BABAM2: variants seen among roughly 807,000 people sequenced by gnomAD.
The protein encoded by BABAM2 is BRISC and BRCA1 A complex member 2, also known as BRISC and BRCA1-A complex member 2.
In BABAM2, 31 loss-of-function variants were observed where a neutral mutation model predicts 54.7. The observed-to-expected ratio is 0.57, with a 90% confidence interval of 0.43 to 0.77. BABAM2 has a LOEUF of 0.77. Among genes scored for constraint, BABAM2 ranks in the 30% least tolerant of loss-of-function variants. The pLI is 0.00. For synonymous variants in BABAM2, 167 were observed against 162.9 expected (o/e 1.03, Z -0.19); for missense variants, 364 against 455.8 (o/e 0.80, Z 1.83).
chr2:28,053,229 G>A (rs1394772520), intron 6 of BABAM2, among the ~76,000 whole-genome samples: 1 of 152,152 alleles, frequency 6.6e-6, no homozygotes, highest in East Asian at 1.9e-4. Flanking sequence ...CTGAATTTGA[G>A]ACTTTTAAGT....
At chr2:28,098,851 T>C (rs1666837632) in intron 6 of BABAM2, among the ~76,000 whole-genome samples, 1 of 152,232 alleles carries the variant, frequency 6.6e-6, no homozygotes, top group Admixed American at 6.5e-5. Flanking sequence ...AAATAAAGGA[T>C]GGTTTCGCCA....
chr2:28,120,996 A>G lies in BABAM2; in HGVS notation c.571-8275A>G, dbSNP rs73922235. Among the ~76,000 whole-genome samples, 631 of 152,272 alleles carry G rather than the reference A, an allele frequency of 4.1e-3. 5 individuals carry two copies. Among genetic ancestry groups the G allele is most frequent in the African/African-American group, 0.014 (588 of 41,554 alleles). ...TTTGTCTGGACTAGGTGGGGAGAAT[A>G]TTTTTACTCCCATTTCCGTTTGGAG... On this transcript the variant is annotated intron_variant, in intron 6 of 11. Transcript: ENST00000379624.
chr2:27,967,481 C>A (rs1255335174), intron 3 of BABAM2, among the ~76,000 whole-genome samples: 4 of 152,080 alleles, frequency 2.6e-5, no homozygotes, highest in Non-Finnish European at 5.9e-5. Context: ...TTGTAAATTG[C>A]CTGGTCTCAG....
chr2:28,318,486 A>G (rs973200820), intron 11 of BABAM2, among the ~76,000 whole-genome samples: 12 of 152,202 alleles, frequency 7.9e-5, no homozygotes, highest in African/African-American at 2.7e-4. Context: ...CCTGAACTAG[A>G]TAATCTCTAG....
intron 4 of BABAM2, among the ~76,000 whole-genome samples, chr2:28,004,266 A>G (rs1673792104): frequency 1.3e-5 from 2 of 152,176 alleles, no homozygotes; most frequent in African/African-American, 4.8e-5. Flanking sequence ...TGTAAAGGAA[A>G]ACGCCAGCTC....
At position 28,317,036 on chromosome 2, in the gene BABAM2, A is replaced by G. The variant is rs1052743420; in HGVS notation, c.1088+18545A>G. On this transcript the variant is annotated intron_variant, in intron 11 of 11. Coordinates refer to ENST00000379624, the MANE Select transcript of BABAM2 (RefSeq NM_199191.3). ...ATTTTCACTGGATTACCTGATGAGT[A>G]TCCCCCAGACCCCCACTTGGCTGCA... Among the ~76,000 whole-genome samples, 8 of 152,206 alleles carry G rather than the reference A, an allele frequency of 5.3e-5. No homozygotes were observed. The East Asian group carries it at 1.6e-3, about 30-fold the overall frequency.
intron 5 of BABAM2, among the ~76,000 whole-genome samples, chr2:28,043,377 C>T (rs1157060006): frequency 6.6e-6 from 1 of 152,096 alleles, no homozygotes; most frequent in Non-Finnish European, 1.5e-5. Context: ...GATCCGCCTG[C>T]CTTGGCCTTG....
chr2:28,027,644 TC>T (rs1286638939), intron 5 of BABAM2, among the ~76,000 whole-genome samples: 1 of 152,236 alleles, frequency 6.6e-6, no homozygotes, highest in Non-Finnish European at 1.5e-5. Context: ...GTACTTCATT[TC>T]TTTTTATGGC....
intron 6 of BABAM2, 64 bp from the exon 7 acceptor site, chr2:28,129,207 G>A: frequency 6.9e-7 from 1 of 1,442,662 alleles, no homozygotes; most frequent in Non-Finnish European, 9.8e-7. Context: ...TGGACTGTGA[G>A]CTTGACACTA....
chr2:28,268,103 ACAAG>A (rs563629302), intron 10 of BABAM2, among the ~76,000 whole-genome samples: 2 of 152,226 alleles, frequency 1.3e-5, no homozygotes, highest in Non-Finnish European at 2.9e-5. Context: ...GAGCTCAAAA[ACAAG>A]CAAAACCAGA....
chr2:27,901,240 A>G (rs574617768), intron 2 of BABAM2, among the ~76,000 whole-genome samples: 1 of 152,226 alleles, frequency 6.6e-6, no homozygotes, highest in South Asian at 2.1e-4. Context: ...GTAAGATGCC[A>G]TATTTTGTCA....
chr2:27,983,674 T>C (rs1672179931), intron 3 of BABAM2, among the ~76,000 whole-genome samples: 1 of 152,110 alleles, frequency 6.6e-6, no homozygotes, highest in African/African-American at 2.4e-5. Context: ...TTCTTATACT[T>C]CTTTTGTTAA....
intron 3 of BABAM2, among the ~76,000 whole-genome samples, chr2:27,934,660 A>C (rs1668363481): frequency 1.3e-5 from 2 of 152,254 alleles, no homozygotes; most frequent in African/African-American, 4.8e-5. Context: ...AATGCAAAGA[A>C]AAATTTCTTG....
intron 4 of BABAM2, among the ~76,000 whole-genome samples, chr2:27,997,094 C>A (rs1043305178): frequency 1.3e-5 from 2 of 151,906 alleles, no homozygotes; most frequent in Non-Finnish European, 2.9e-5. Flanking sequence ...TAAAATTAAT[C>A]AATAATTAAT....
upstream of BABAM2, chr2:27,890,531 C>T (rs2148241981): frequency 1.2e-5 from 7 of 604,964 alleles, 1 homozygote; most frequent in South Asian, 9.6e-5. The surrounding 1 kb of genome is among the most constrained non-coding windows in gnomAD (Gnocchi z 4.8). Flanking sequence ...GGAATAGTCT[C>T]GGTGCACAGC....
At chr2:27,949,220 C>T (rs1318600339) in intron 3 of BABAM2, among the ~76,000 whole-genome samples, 1 of 152,192 alleles carries the variant, frequency 6.6e-6, no homozygotes, top group Non-Finnish European at 1.5e-5. Context: ...AATGACAGCA[C>T]ATCTTAAGAG....
intron 6 of BABAM2, among the ~76,000 whole-genome samples, chr2:28,076,328 G>A: frequency 2.0e-5 from 3 of 151,930 alleles, no homozygotes; most frequent in Middle Eastern, 6.8e-3. Context: ...TGAAATTTTA[G>A]ATAAAATATT....
At chr2:28,042,825 C>T (rs1204950489) in intron 5 of BABAM2, among the ~76,000 whole-genome samples, 1 of 151,934 alleles carries the variant, frequency 6.6e-6, no homozygotes, top group African/African-American at 2.4e-5. Flanking sequence ...GAGATAAAGA[C>T]CATCCTGGCT....
chr2:28,062,257 CAA>C (rs796458704), intron 6 of BABAM2, among the ~76,000 whole-genome samples: 9 of 68,414 alleles, frequency 1.3e-4, no homozygotes, highest in South Asian at 4.6e-4. Flanking sequence ...GAGTCCGTCT[CAA>C]AAAAAAAAAA....
Sources: allele counts gnomAD v4.1 joint callset (sites outside exome capture counted in the v4.1 genomes callset), GRCh38; gene constraint gnomAD v4.1.1; non-coding constraint Gnocchi (gnomAD v3.1); transcripts MANE v1.5; gene names NCBI Gene and HGNC (gene_info 2026-07-23, HGNC 2026-07-21).